RICTOR: variants seen among roughly 807,000 people sequenced by gnomAD.
The protein encoded by RICTOR is RPTOR independent companion of MTOR complex 2.
Under a neutral mutation model 214.9 loss-of-function variants are expected in RICTOR, and 49 were observed. The observed-to-expected ratio is 0.23, with a 90% CI of 0.18 to 0.29. The LOEUF (loss-of-function observed/expected upper bound fraction) is 0.29. Among genes scored for constraint, RICTOR ranks in the 10% least tolerant of loss-of-function variants. The pLI, the probability that RICTOR is intolerant of heterozygous loss-of-function variation, is 1.00. For missense variants in RICTOR, 1,625 were observed against 2,047.0 expected, an observed-to-expected ratio of 0.79 and a Z score of 3.98; for synonymous variants, 717 against 711.3, an observed-to-expected ratio of 1.01 and a Z score of -0.13.
At chr5:38,968,491 A>C (rs1057137408) in intron 11 of RICTOR, among the ~76,000 whole-genome samples, 1 of 152,008 alleles carries the variant, frequency 6.6e-6, no homozygotes, top group Admixed American at 6.6e-5. Flanking sequence ...CAAAAAAAAA[A>C]AAAGCCCTTT....
Position 38,940,926 on chromosome 5 carries a change from A to ATTCATTG in RICTOR, c.*1377_*1378insCAATGAA. On this transcript the variant is annotated 3_prime_UTR_variant, in exon 38 of 38. Transcript: ENST00000357387. ...AAACTGATGTGTAATTGTAATAAAA[A>ATTCATTG]TGTTATACACAAATGAATTAAAAAA... 4.3e-6 allele frequency: 1 copy of ATTCATTG among 232,560 alleles called. No individual in the cohort carries two copies. Among genetic ancestry groups the ATTCATTG allele is most frequent in the Non-Finnish European group, 8.5e-6 (1 of 117,562 alleles). 14.4% of individuals were successfully genotyped at this position (232,560 alleles called of 1,614,324 possible).
chr5:39,017,841 T>A (rs1367950012), intron 3 of RICTOR, among the ~76,000 whole-genome samples: 2 of 152,116 alleles, frequency 1.3e-5, no homozygotes, highest in African/African-American at 4.8e-5. Context: ...TGCTCAAACT[T>A]GAATGTACAC....
intron 14 of RICTOR, 46 bp from the exon 15 acceptor site, chr5:38,966,767 T>C (rs757632581): frequency 1.4e-5 from 14 of 1,026,638 alleles, no homozygotes; most frequent in African/African-American, 8.2e-5. Flanking sequence ...ATAATACATA[T>C]GAAAACATTT....
chr5:38,942,756 A>C, intron 37 of RICTOR, 77 bp downstream of exon 37: 1 of 1,204,948 alleles, frequency 8.3e-7, no homozygotes, highest in Non-Finnish European at 1.2e-6. Flanking sequence ...ACACCCAGCT[A>C]TAATCTGTAT....
chr5:38,947,979 C>A (rs990623759), intron 31 of RICTOR, among the ~76,000 whole-genome samples: 1 of 152,038 alleles, frequency 6.6e-6, no homozygotes, highest in Non-Finnish European at 1.5e-5. Context: ...TCATTTATGA[C>A]GAGATATCCT....
At chr5:39,022,212 C>A (rs769133617) in intron 2 of RICTOR, among the ~76,000 whole-genome samples, 1 of 152,144 alleles carries the variant, frequency 6.6e-6, no homozygotes, top group Non-Finnish European at 1.5e-5. Context: ...ACATTAAATG[C>A]ATTTTTGACT....
At position 38,990,930 on chromosome 5, in the gene RICTOR, A is replaced by C; in HGVS notation, c.583+19T>G. 6.4e-7 allele frequency: 1 copy of C among 1,556,024 alleles called. No individual in the cohort carries two copies. The highest frequency in any genetic ancestry group is 1.8e-5 in the Admixed American group (1 of 55,564). ...CTTTCTAAAATATTACATTTTCATT[A>C]CTTGAAGAAAATTCTGACCTAGTTC... On this transcript the variant is annotated intron_variant, in intron 7 of 37. Transcript: ENST00000357387.
chr5:38,967,846 T>C (rs942969850), intron 12 of RICTOR, 97 bp downstream of exon 12: 6 of 617,564 alleles, frequency 9.7e-6, no homozygotes, highest in Admixed American at 2.7e-5. Context: ...GAAAAGAAAA[T>C]AGTGTTCAAT....
chr5:38,947,440 A>G lies in RICTOR; in HGVS notation c.4138T>C (p.Phe1380Leu). 1 of 1,597,564 alleles carries G rather than the reference A, an allele frequency of 6.3e-7. No individual in the cohort carries two copies. Among genetic ancestry groups the G allele is most frequent in the Non-Finnish European group, 8.6e-7 (1 of 1,168,484 alleles). The change falls in exon 32 of 38, where the codon TTC becomes CTC. Residue 1380 changes from phenylalanine to leucine, a missense_variant and splice_region_variant. Phe to Leu is a conservative substitution (Grantham distance 22). Transcript: ENST00000357387. The part of the protein sequence containing the change: ...SFESRLTPSR[F>L]MKALSYASLD... ...GATGCATAACTTAAGGCTTTCATGA[A>G]CCTATAAAACCATAAAGAAACCACT...
At chr5:38,980,473 G>A (rs1468792182) in intron 8 of RICTOR, among the ~76,000 whole-genome samples, 1 of 152,100 alleles carries the variant, frequency 6.6e-6, no homozygotes, top group Non-Finnish European at 1.5e-5. Context: ...GACTAAGTAG[G>A]CCTCTGGTTT....
At chr5:39,066,345 G>C (rs1299864859) in intron 2 of RICTOR, among the ~76,000 whole-genome samples, 1 of 152,242 alleles carries the variant, frequency 6.6e-6, no homozygotes, top group African/African-American at 2.4e-5. Context: ...AGGCAGCAAG[G>C]CCCGGCTAGC....
chr5:38,990,001 G>T (rs892323101), intron 7 of RICTOR, among the ~76,000 whole-genome samples: 1 of 151,784 alleles, frequency 6.6e-6, no homozygotes, highest in African/African-American at 2.4e-5. Flanking sequence ...TCATTACTGG[G>T]TATATTTACA....
intron 8 of RICTOR, among the ~76,000 whole-genome samples, chr5:38,980,283 C>A (rs976388546): frequency 3.3e-5 from 5 of 151,940 alleles, no homozygotes; most frequent in African/African-American, 1.2e-4. Context: ...TGTCTTTTTA[C>A]GTGACTAATT....
In RICTOR at chr5:38,994,728, T is replaced by C. The variant is rs1231681739; in HGVS notation, c.456+2091A>G. ...TTGTTATGCTATTATTTTTGAGCAA[T>C]TAAAAACTACTTTAAATTAAATTTT... On this transcript the variant is annotated intron_variant, in intron 6 of 37. Transcript: ENST00000357387. Among the ~76,000 whole-genome samples the C allele has an allele frequency of 5.5e-4, 7 of 12,770 alleles. No individual in the cohort carries two copies. In the Admixed American group the frequency reaches 7.0e-3, roughly 13 times the overall value. 8.4% of individuals were successfully genotyped at this position (12,770 alleles called of 152,430 possible).
rs1456003585 is a variant in RICTOR at position 38,958,762 on chromosome 5, A to G, written c.2248T>C (p.Trp750Arg). 1 of 1,610,978 alleles carries G rather than the reference A, an allele frequency of 6.2e-7. No homozygotes were observed. The highest frequency in any genetic ancestry group is 8.5e-7 in the Non-Finnish European group (1 of 1,177,924). Residue 750 changes from tryptophan (W) to arginine (R), a missense_variant, in exon 23 of 38, where the codon TGG (tryptophan) becomes CGG (arginine). Physicochemically the swap from Trp to Arg is moderately radical, Grantham distance 101. Transcript: ENST00000357387. ...LRANVEFFNN[W>R]GIELLVTQLH... ...TGGGTCACTAACAACTCAATTCCCC[A>G]ATTATTAAAGAATTCAACATTAGCT... is the stretch of plus-strand genomic sequence containing the variant.
intron 7 of RICTOR, among the ~76,000 whole-genome samples, chr5:38,982,751 A>G (rs1014228132): frequency 2.6e-5 from 4 of 151,504 alleles, no homozygotes; most frequent in African/African-American, 9.7e-5. Context: ...CTAGGTTAAC[A>G]GTTTAAAATT....
At chr5:39,065,594 C>T (rs1354384810) in intron 2 of RICTOR, among the ~76,000 whole-genome samples, 1 of 152,194 alleles carries the variant, frequency 6.6e-6, no homozygotes, top group Non-Finnish European at 1.5e-5. Context: ...AAGTCCCTTC[C>T]ACTTATGAGG....
At chr5:39,059,308 C>T (rs572015122) in intron 2 of RICTOR, among the ~76,000 whole-genome samples, 2 of 152,056 alleles carry the variant, frequency 1.3e-5, no homozygotes, top group South Asian at 2.1e-4. Context: ...GTTCAAAAAC[C>T]GGCGGCTAAA....
intron 2 of RICTOR, among the ~76,000 whole-genome samples, chr5:39,041,304 A>G (rs544999476): frequency 9.8e-5 from 15 of 152,358 alleles, no homozygotes; most frequent in East Asian, 5.8e-4. Context: ...AAGAAATTCT[A>G]TATCTTCAGA....
Sources: gnomAD v4.1 joint callset for allele counts (sites outside exome capture counted in the v4.1 genomes callset) on GRCh38, gnomAD v4.1.1 for gene constraint, MANE v1.5 for transcripts, NCBI Gene and HGNC (gene_info 2026-07-23, HGNC 2026-07-21) for gene names.